The following MAP3K20 variants were observed in gnomAD, a reference collection of about 807,000 sequenced individuals.
The protein encoded by MAP3K20 is HCCS-4.
MAP3K20 carries 40 observed loss-of-function variants against 85.7 expected under a neutral mutation model. That is an observed-to-expected ratio of 0.47 (90% CI 0.36 to 0.61). The LOEUF is 0.61. Among genes scored for constraint, MAP3K20 ranks in the 20% least tolerant of loss-of-function variants. The pLI is 0.00. For missense variants in MAP3K20, 817 were observed against 961.7 expected, an observed-to-expected ratio of 0.85 and a Z score of 1.99; for synonymous variants, 325 against 327.7, an observed-to-expected ratio of 0.99 and a Z score of 0.09.
At chr2:173,257,363 T>C (rs1685184964) in intron 16 of MAP3K20, among the ~76,000 whole-genome samples, 1 of 152,170 alleles carries the variant, frequency 6.6e-6, no homozygotes, top group African/African-American at 2.4e-5. Context: ...CTTCTGAATT[T>C]TTCTACCATT....
At chr2:173,111,321 T>C (rs1228339805) in intron 2 of MAP3K20, among the ~76,000 whole-genome samples, 1 of 152,184 alleles carries the variant, frequency 6.6e-6, no homozygotes, top group African/African-American at 2.4e-5. Flanking sequence ...TTCTGGATAT[T>C]AGTCCTTTGT....
intron 7 of MAP3K20, among the ~76,000 whole-genome samples, chr2:173,197,456 A>ATC (rs1264634870): frequency 6.6e-6 from 1 of 152,188 alleles, no homozygotes; most frequent in Non-Finnish European, 1.5e-5. Flanking sequence ...GATCCCTTAG[A>ATC]CCGACTCATT....
At chr2:173,114,451 T>C (rs1375692556) in intron 2 of MAP3K20, among the ~76,000 whole-genome samples, 1 of 152,172 alleles carries the variant, frequency 6.6e-6, no homozygotes, top group East Asian at 1.9e-4. Context: ...CTGTGTACTT[T>C]GGTTTTTTTG....
chr2:173,204,107 T>C (rs1287922606), intron 9 of MAP3K20, among the ~76,000 whole-genome samples: 2 of 152,214 alleles, frequency 1.3e-5, no homozygotes, highest in African/African-American at 4.8e-5. Flanking sequence ...TCAGTATAAA[T>C]AATTTTATTA....
chr2:173,183,863 G>A (rs775452462), intron 4 of MAP3K20, among the ~76,000 whole-genome samples: 14 of 152,148 alleles, frequency 9.2e-5, no homozygotes, highest in South Asian at 2.1e-4. Context: ...TGATTTCACT[G>A]TGTGACTTCC....
At chr2:173,143,435 T>C (rs1689036027) in intron 2 of MAP3K20, among the ~76,000 whole-genome samples, 1 of 152,224 alleles carries the variant, frequency 6.6e-6, no homozygotes, top group Non-Finnish European at 1.5e-5. Context: ...TGAGACATTA[T>C]ACTTAACAAC....
intron 10 of MAP3K20, chr2:173,210,558 C>T (rs1038282507): frequency 2.7e-5 from 4 of 150,594 alleles, no homozygotes; most frequent in African/African-American, 9.9e-5. Flanking sequence ...AACTTGATAT[C>T]ATAAATCCTA....
intron 3 of MAP3K20, among the ~76,000 whole-genome samples, chr2:173,173,198 C>G (rs59976582): frequency 0.3 from 25,693 of 85,804 alleles, 2,807 homozygotes; most frequent in South Asian, 0.43. Context: ...GTGTGTGTGT[C>G]TGTGTAAAAC....
Position 173,113,782 on chromosome 2 carries a change from T to C in MAP3K20, c.159+22592T>C, listed in dbSNP as rs558252849. Among the ~76,000 whole-genome samples, 11 of 152,124 alleles carry C rather than the reference T, an allele frequency of 7.2e-5. No individual in the cohort carries two copies. In the South Asian group the frequency reaches 2.3e-3, roughly 32 times the overall value. ...GCTTGATATAATTTCAGTTTTAGTT[T>C]ATTGAGGTTGGTTTTATGGCCTATC... On this transcript the variant is annotated intron_variant, in intron 2 of 19. Transcript: ENST00000375213.
intron 16 of MAP3K20, among the ~76,000 whole-genome samples, chr2:173,247,717 TA>T (rs1242886589): frequency 6.6e-6 from 1 of 151,242 alleles, no homozygotes; most frequent in Non-Finnish European, 1.5e-5. Flanking sequence ...AAATAATAAC[TA>T]ATAAATAAGA....
chr2:173,219,259 A>G (rs752200354), intron 11 of MAP3K20, among the ~76,000 whole-genome samples: 29 of 152,244 alleles, frequency 1.9e-4, no homozygotes, highest in Non-Finnish European at 3.8e-4. Context: ...ATGTAAGTTT[A>G]ACATTTATGT....
At chr2:173,171,835 AACAAC>A (rs1308680851) in intron 3 of MAP3K20, among the ~76,000 whole-genome samples, 7 of 152,234 alleles carry the variant, frequency 4.6e-5, no homozygotes, top group Admixed American at 4.6e-4. Flanking sequence ...AAAGAATTAA[AACAAC>A]ACAAGTTTCA....
At chr2:173,264,043 T>G in intron 19 of MAP3K20, 148 bp downstream of exon 19, 353 of 924,488 alleles carry the variant, frequency 3.8e-4, no homozygotes, top group Non-Finnish European at 4.7e-4. Context: ...CAGTTGCAAC[T>G]GGCTTACTCC....
At chr2:173,110,223 ATATATATATATATATATATTTTTTTTTTT>A (rs1287696802) in intron 2 of MAP3K20, among the ~76,000 whole-genome samples, 6 of 9,298 alleles carry the variant, frequency 6.5e-4, no homozygotes, top group East Asian at 2.3e-3. Context: ...ATATATATAT[ATATATATATATATATATATTTTTTTTTTT>A]TTTTTTTTTT....
chr2:173,212,995 G>T (rs1281378279), intron 10 of MAP3K20, among the ~76,000 whole-genome samples: 1 of 151,812 alleles, frequency 6.6e-6, no homozygotes, highest in Non-Finnish European at 1.5e-5. Context: ...TCTGATAAAT[G>T]ATTTCAAAGT....
chr2:173,090,314 T>C (rs1478528389), intron 1 of MAP3K20, among the ~76,000 whole-genome samples: 6 of 152,234 alleles, frequency 3.9e-5, no homozygotes, highest in Non-Finnish European at 7.3e-5. Flanking sequence ...ACAAGCATAA[T>C]ATTTTTTAAC....
chr2:173,122,952 C>T (rs1322835302), intron 2 of MAP3K20, among the ~76,000 whole-genome samples: 1 of 152,182 alleles, frequency 6.6e-6, no homozygotes, highest in East Asian at 1.9e-4. Context: ...AGGAAAATAA[C>T]TACAGAGTTT....
In MAP3K20 at chr2:173,095,229, G is replaced by A. The variant is rs186279008; in HGVS notation, c.159+4039G>A. On this transcript the variant is annotated intron_variant, in intron 2 of 19. Coordinates refer to ENST00000375213, the MANE Select transcript of MAP3K20 (RefSeq NM_016653.3). ...GGCTCTTGTGTCCTTTTGGTATGTC[G>A]CTGTCATTTTTTTATGATTTTCTTA... 1.8e-3 allele frequency among the ~76,000 whole-genome samples: 269 copies of A among 152,118 alleles called. 2 individuals carry two copies. Among genetic ancestry groups the A allele is most frequent in the Admixed American group, 7.1e-3 (108 of 15,280 alleles).
intron 4 of MAP3K20, among the ~76,000 whole-genome samples, 176 bp from the exon 5 acceptor site, chr2:173,187,382 A>G (rs1422898765): frequency 6.6e-6 from 1 of 152,202 alleles, no homozygotes; most frequent in Non-Finnish European, 1.5e-5. Flanking sequence ...TATAAATTTG[A>G]CTTCACATAT....
Sources: allele counts gnomAD v4.1 joint callset (sites outside exome capture counted in the v4.1 genomes callset), GRCh38; gene constraint gnomAD v4.1.1; transcripts MANE v1.5; gene names NCBI Gene and HGNC (gene_info 2026-07-23, HGNC 2026-07-21).